Variants in GALNT13 observed in about 807,000 individuals in gnomAD.
The protein encoded by GALNT13 is polypeptide N-acetylgalactosaminyltransferase 13, also known as UDP-GalNAc:polypeptide N-acetylgalactosaminyltransferase 13.
GALNT13 carries 28 observed loss-of-function variants against 64.2 expected under a neutral mutation model. That is an observed-to-expected ratio of 0.44 (90% CI 0.32 to 0.60). The LOEUF (loss-of-function observed/expected upper bound fraction) is 0.60, where lower values mean the gene tolerates loss of function less well. Ranked by LOEUF, GALNT13 falls within the 20% of genes least tolerant of loss-of-function variation. The probability of loss-of-function intolerance (pLI) is 0.05; values close to 1 mark genes in which losing one functional copy is unlikely to be tolerated. For synonymous variants in GALNT13, 214 were observed against 224.6 expected (o/e 0.95, Z 0.42); for missense variants, 577 against 669.8 (o/e 0.86, Z 1.53).
At chr2:153,341,628 A>C in the GALNT13 span, among the ~76,000 whole-genome samples, 3 of 152,210 alleles carry the variant, frequency 2.0e-5, no homozygotes, top group East Asian at 5.8e-4. Context: ...GAACGCTCTC[A>C]ATAAAGAATA....
intron 11 of GALNT13, among the ~76,000 whole-genome samples, chr2:154,413,832 A>G (rs1375289853): frequency 5.3e-5 from 8 of 152,062 alleles, no homozygotes; most frequent in Admixed American, 4.6e-4. Context: ...GATAAACTAT[A>G]ATTGATTTAT....
the GALNT13 span, among the ~76,000 whole-genome samples, chr2:153,509,930 A>G: frequency 6.6e-6 from 1 of 152,136 alleles, no homozygotes; most frequent in Admixed American, 6.5e-5. Context: ...TTTCAGTGAG[A>G]CTTATTTTTA....
chr2:154,441,771 G>C (rs1701309869), intron 12 of GALNT13: 1 of 152,128 alleles, frequency 6.6e-6, no homozygotes, highest in Non-Finnish European at 1.5e-5. Context: ...AGCCTCAAAA[G>C]ATGGAATCTA....
At chr2:153,168,548 T>C in the GALNT13 span, among the ~76,000 whole-genome samples, 1 of 152,146 alleles carries the variant, frequency 6.6e-6, no homozygotes, top group Non-Finnish European at 1.5e-5. Flanking sequence ...TGGAGGGGTG[T>C]GTGTGTGGTG....
intron 4 of GALNT13, among the ~76,000 whole-genome samples, chr2:154,237,279 A>C (rs2105859643): frequency 6.6e-6 from 1 of 151,838 alleles, no homozygotes; most frequent in Admixed American, 6.6e-5. Flanking sequence ...TGCCTACCTT[A>C]ATCTTATTAT....
chr2:153,260,605 T>G, the GALNT13 span, among the ~76,000 whole-genome samples: 1 of 152,212 alleles, frequency 6.6e-6, no homozygotes, highest in Admixed American at 6.5e-5. Flanking sequence ...TTGTTTGTTT[T>G]TCTCTTGCTT....
intron 3 of GALNT13, among the ~76,000 whole-genome samples, chr2:154,025,345 T>TAA (rs1697876421): frequency 6.6e-6 from 1 of 152,174 alleles, no homozygotes; most frequent in African/African-American, 2.4e-5. Flanking sequence ...AAAAAATAAA[T>TAA]AAAGTTTACC....
In GALNT13 at chr2:154,277,409, C is replaced by T. The variant is rs149212667; in HGVS notation, c.975+18271C>T. Among the ~76,000 whole-genome samples, 682 of 152,164 alleles carry T rather than the reference C, an allele frequency of 4.5e-3. 6 individuals are homozygous for T. Among genetic ancestry groups the T allele is most frequent in the African/African-American group, 0.014 (570 of 41,508 alleles). ...AGCCAACTTTAAATCTCTATGGTAA[C>T]GACTGCAATAAATGTGCAACATCTT... On this transcript the variant is annotated intron_variant, in intron 8 of 12. Transcript: ENST00000392825.
chr2:154,341,161 T>C (rs1695746194), intron 9 of GALNT13, among the ~76,000 whole-genome samples: 1 of 152,056 alleles, frequency 6.6e-6, no homozygotes, highest in Non-Finnish European at 1.5e-5. Context: ...TAATAAAATA[T>C]ACAGGCATGT....
chr2:153,861,559 C>CTTTTTTTTTTTTTTTTTTTTTTT, the GALNT13 span, among the ~76,000 whole-genome samples: 9 of 118,200 alleles, frequency 7.6e-5, no homozygotes, highest in African/African-American at 2.9e-4. Context: ...TTCTTTCTTT[C>CTTTTTTTTTTTTTTTTTTTTTTT]TTTTTTTTTT....
At chr2:153,762,938 A>G in the GALNT13 span, among the ~76,000 whole-genome samples, 1 of 151,956 alleles carries the variant, frequency 6.6e-6, no homozygotes, top group Non-Finnish European at 1.5e-5. Flanking sequence ...TAAGACTTGC[A>G]TAAAACATAC....
intron 3 of GALNT13, among the ~76,000 whole-genome samples, chr2:154,070,149 C>T (rs1360190867): frequency 6.6e-6 from 1 of 152,050 alleles, no homozygotes; most frequent in Non-Finnish European, 1.5e-5. Flanking sequence ...TTACAACTGA[C>T]CTCCAGTCTA....
At chr2:153,909,094 A>G (rs1377580223) in intron 2 of GALNT13, among the ~76,000 whole-genome samples, 2 of 151,772 alleles carry the variant, frequency 1.3e-5, no homozygotes, top group East Asian at 1.9e-4. Flanking sequence ...GTGTTTTGTG[A>G]TTCTCATTGT....
intron 3 of GALNT13, among the ~76,000 whole-genome samples, chr2:154,040,658 T>C (rs532009338): frequency 7.1e-6 from 1 of 140,520 alleles, no homozygotes; most frequent in African/African-American, 2.4e-5. Flanking sequence ...TATCCACTAT[T>C]ATTTTAAAGT....
the GALNT13 span, among the ~76,000 whole-genome samples, chr2:153,365,473 A>C: frequency 6.6e-6 from 1 of 152,190 alleles, no homozygotes; most frequent in African/African-American, 2.4e-5. Context: ...AGTCGGAGAA[A>C]ATTTTTTTGC....
chr2:154,447,113 G>A (rs1701628223), intron 12 of GALNT13, among the ~76,000 whole-genome samples: 1 of 151,624 alleles, frequency 6.6e-6, no homozygotes, highest in Non-Finnish European at 1.5e-5. Flanking sequence ...CATCAGATCT[G>A]AAAAAAATCG....
chr2:154,278,691 G>A (rs1691789300), intron 8 of GALNT13, among the ~76,000 whole-genome samples: 1 of 152,094 alleles, frequency 6.6e-6, no homozygotes. Flanking sequence ...CTACAGAGAA[G>A]TCAGGAAGTA....
intron 3 of GALNT13, among the ~76,000 whole-genome samples, chr2:153,994,238 A>C (rs536196186): frequency 6.6e-6 from 1 of 152,258 alleles, no homozygotes; most frequent in South Asian, 2.1e-4. Flanking sequence ...CCTATGAAGG[A>C]TATGAACTCA....
At chr2:153,146,194 C>A in the GALNT13 span, among the ~76,000 whole-genome samples, 3 of 150,842 alleles carry the variant, frequency 2.0e-5, no homozygotes, top group African/African-American at 7.3e-5. Flanking sequence ...TTCCAATGAC[C>A]CTTCTTCCCA....
Sources: allele counts gnomAD v4.1 joint callset (sites outside exome capture counted in the v4.1 genomes callset), GRCh38; gene constraint gnomAD v4.1.1; transcripts MANE v1.5; gene names NCBI Gene and HGNC (gene_info 2026-07-23, HGNC 2026-07-21).